The following ACAN variants were observed in gnomAD, a reference collection of about 807,000 sequenced individuals.
The protein encoded by ACAN is aggrecan core protein.
In ACAN, 47 loss-of-function variants were observed where a neutral mutation model predicts 169.1. The ratio of observed to expected loss-of-function variants is 0.28; its 90% CI spans 0.22 to 0.35. ACAN has a LOEUF of 0.35. ACAN is among the 10% of genes least tolerant of loss of function. The pLI is 1.00. For synonymous variants in ACAN, 1,115 were observed against 1,112.2 expected, an observed-to-expected ratio of 1.00 and a Z score of -0.05; for missense variants, 2,716 against 2,759.9, an observed-to-expected ratio of 0.98 and a Z score of 0.36.
At position 88,869,424 on chromosome 15, in the gene ACAN, CTT is replaced by C. The variant is rs915762345; in HGVS notation, c.7060+1098_7060+1099del. 2.0e-5 allele frequency among the ~76,000 whole-genome samples: 3 copies of C among 152,082 alleles called. No homozygotes were observed. The highest frequency in any genetic ancestry group is 7.2e-5 in the African/African-American group (3 of 41,408). ...TACAGACTGGTAGAGGAACTTAAGA[CTT>C]TTGGGAAAAAAAAGGCCTGGACACT... On this transcript the variant is annotated intron_variant, in intron 14 of 18. Coordinates refer to ENST00000560601, the MANE Select transcript of ACAN (RefSeq NM_001369268.1). The surrounding 1 kb of genome is among the most constrained non-coding windows in gnomAD (Gnocchi z 4.2).
chr15:88,817,534 A>T (rs965301147), intron 1 of ACAN, among the ~76,000 whole-genome samples: 3 of 145,244 alleles, frequency 2.1e-5, no homozygotes, highest in African/African-American at 5.1e-5. Flanking sequence ...TAGAAAATTT[A>T]GGAAATATAA....
rs113485175 is a variant in ACAN at position 88,807,039 on chromosome 15, A to ATTT, written c.-8+3238_-8+3240dup. On this transcript the variant is annotated intron_variant, in intron 1 of 18. Coordinates refer to ENST00000560601, the MANE Select transcript of ACAN (RefSeq NM_001369268.1). This position sits in a 1 kb window ranked among gnomAD's most constrained non-coding sequence, Gnocchi z 4.0. Reference sequence around the variant, plus strand: ...TGATATTTGCATATATTTTTATTTAATTTTTTTTTTACTATATTGGTCCCA... The same window carrying ATTT: ...TGATATTTGCATATATTTTTATTTAATTTTTTTTTTTTTACTATATTGGTCCCA... Among the ~76,000 whole-genome samples the ATTT allele has an allele frequency of 1.1e-4, 16 of 150,390 alleles. No homozygotes were observed. The highest frequency in any genetic ancestry group is 3.7e-4 in the African/African-American group (15 of 40,914).
At chr15:88,845,295 T>C (rs1210007052) in intron 6 of ACAN, among the ~76,000 whole-genome samples, 1 of 152,208 alleles carries the variant, frequency 6.6e-6, no homozygotes, top group East Asian at 1.9e-4. Context: ...TCTTGCACTC[T>C]TGCAATCTTG....
intron 1 of ACAN, 139 bp from the exon 2 acceptor site, chr15:88,836,061 C>A: frequency 1.6e-6 from 1 of 621,584 alleles, no homozygotes; most frequent in Non-Finnish European, 2.9e-6. Context: ...TCTCACAAAC[C>A]ACGTGCAGCC....
Position 88,874,033 on chromosome 15 carries a change from C to G in ACAN, c.7630+9C>G. On this transcript the variant is annotated intron_variant, in intron 18 of 18. Coordinates refer to ENST00000560601, the MANE Select transcript of ACAN (RefSeq NM_001369268.1). This position sits in a 1 kb window ranked among gnomAD's most constrained non-coding sequence, Gnocchi z 7.3. ...GATCACCTGCACAGACCGTGAGCAT[C>G]ACCCCGGCCATCTCGCTGAGCACAG... The G allele has an allele frequency of 6.2e-7, 1 of 1,608,562 alleles. No individual in the cohort carries two copies.
chr15:88,808,232 C>T (rs944195571), intron 1 of ACAN, among the ~76,000 whole-genome samples: 3 of 152,168 alleles, frequency 2.0e-5, no homozygotes, highest in Non-Finnish European at 4.4e-5. Context: ...TTTAAGAGAT[C>T]GCAAAAGGGA....
Position 88,857,026 on chromosome 15 carries a change from G to A in ACAN, c.4441G>A (p.Val1481Ile), listed in dbSNP as rs1454267021. 6.2e-7 allele frequency: 1 copy of A among 1,613,564 alleles called. No homozygotes were observed. The highest frequency in any genetic ancestry group is 1.1e-5 in the South Asian group (1 of 91,070). ...TGGAGGAGAAGTTCTAGAGATTTCT[G>A]TCTCTGGAGTAGAGGACATCAGTGG... Reference protein sequence around the residue: ...PSGGEVLEISVSGVEDISGLP... With the variant: ...PSGGEVLEISISGVEDISGLP... The change falls in exon 12 of 19, where the codon GTC becomes ATC. Residue 1481 changes from valine (V) to isoleucine (I), a missense_variant. Val to Ile is a conservative substitution (Grantham distance 29). This residue lies in a region of ACAN where 1,389 missense variants were observed against 1,363.7 expected (regional missense o/e 1.02). Transcript: ENST00000560601.
intron 11 of ACAN, among the ~76,000 whole-genome samples, chr15:88,853,573 G>T (rs891502421): frequency 6.6e-6 from 1 of 152,160 alleles, no homozygotes; most frequent in African/African-American, 2.4e-5. Context: ...AGGACGTGGA[G>T]GTTGCAGTCA....
Position 88,847,256 on chromosome 15 carries a change from C to T in ACAN, c.1443C>T (p.His481=). Reference sequence around the variant, plus strand: ...CTCCCCACCCAGGGGTCGTCTTCCACTACCGCCCGGGACCCACCCGCTACT... The same window carrying T: ...CTCCCCACCCAGGGGTCGTCTTCCATTACCGCCCGGGACCCACCCGCTACT... ...QPHLPGGVVF[H]YRPGPTRYSL... Residue 481 remains histidine, a synonymous_variant, in exon 8 of 19, where the codon CAC becomes CAT. Transcript: ENST00000560601. 6.4e-7 allele frequency: 1 copy of T among 1,552,102 alleles called. No homozygotes were observed. Among genetic ancestry groups the T allele is most frequent in the Non-Finnish European group, 8.7e-7 (1 of 1,147,924 alleles).
At chr15:88,818,261 T>C (rs1374080747) in intron 1 of ACAN, among the ~76,000 whole-genome samples, 1 of 152,222 alleles carries the variant, frequency 6.6e-6, no homozygotes, top group African/African-American at 2.4e-5. Context: ...CCTAGTTCTT[T>C]GCCCCAGCAC....
intron 1 of ACAN, among the ~76,000 whole-genome samples, chr15:88,816,198 T>C (rs1422388949): frequency 6.6e-6 from 1 of 152,228 alleles, no homozygotes; most frequent in Non-Finnish European, 1.5e-5. Flanking sequence ...TGCAAAGACC[T>C]TGTTTCCAAA....
rs1393983910 is a variant in ACAN at position 88,858,813 on chromosome 15, T to C, written c.6228T>C (p.Ala2076=). The part of the protein sequence containing the change: ...LFESSGKVST[A]GDISGATPVL... ...AGTCCAGTGGAAAAGTCTCCACAGC[T>C]GGGGACATTAGTGGAGCTACCCCAG... Residue 2076 remains alanine (A), a synonymous_variant, in exon 12 of 19, where the codon GCT becomes GCC. Coordinates refer to ENST00000560601, the MANE Select transcript of ACAN (RefSeq NM_001369268.1). The surrounding 1 kb of genome is among the most constrained non-coding windows in gnomAD (Gnocchi z 4.0). The C allele has an allele frequency of 6.2e-7, 1 of 1,613,838 alleles. No homozygotes were observed. Among genetic ancestry groups the C allele is most frequent in the East Asian group, 2.2e-5 (1 of 44,872 alleles).
chr15:88,843,590 T>G lies in ACAN; in HGVS notation c.993T>G (p.His331Gln). 3.1e-6 allele frequency: 5 copies of G among 1,605,618 alleles called. No individual in the cohort carries two copies. Among genetic ancestry groups the G allele is most frequent in the Non-Finnish European group, 4.3e-6 (5 of 1,173,928 alleles). ...NLLGVRTVYVHANQTGYPDPS... is the reference protein window; with the variant it reads ...NLLGVRTVYVQANQTGYPDPS... Reference sequence around the variant, plus strand: ...TGGGCGTGAGGACCGTCTACGTGCATGCCAACCAGACGGGCTACCCCGACC... The same window carrying G: ...TGGGCGTGAGGACCGTCTACGTGCAGGCCAACCAGACGGGCTACCCCGACC... Residue 331 changes from histidine to glutamine, a missense_variant, in exon 6 of 19, where the codon CAT becomes CAG. Transcript: ENST00000560601. The surrounding 1 kb of genome is among the most constrained non-coding windows in gnomAD (Gnocchi z 4.0).
chr15:88,840,085 G>A lies in ACAN; in HGVS notation c.528G>A (p.Leu176=), dbSNP rs1160747240. 6.2e-7 allele frequency: 1 copy of A among 1,604,038 alleles called. No individual in the cohort carries two copies. Among genetic ancestry groups the A allele is most frequent in the Non-Finnish European group, 8.5e-7 (1 of 1,175,226 alleles). The change falls in exon 4 of 19, where the codon CTG becomes CTA. Residue 176 remains leucine, a synonymous_variant. Coordinates refer to ENST00000560601, the MANE Select transcript of ACAN (RefSeq NM_001369268.1). ...LDFDRAQRAC[L]QNSAIIATPE... ...TTGACAGGGCGCAGCGGGCCTGCCT[G>A]CAGAACAGTGCCATCATTGCCACGC...
At chr15:88,863,053 A>C (rs1431141419) in intron 13 of ACAN, among the ~76,000 whole-genome samples, 1 of 151,642 alleles carries the variant, frequency 6.6e-6, no homozygotes, top group African/African-American at 2.4e-5. Context: ...TCGGGGGGCC[A>C]TAGGGAGCAA....
At chr15:88,830,556 A>T (rs1475707588) in intron 1 of ACAN, among the ~76,000 whole-genome samples, 1 of 151,488 alleles carries the variant, frequency 6.6e-6, no homozygotes, top group African/African-American at 2.4e-5. Flanking sequence ...GTATGTGTAG[A>T]TAGGTTTAGA....
intron 1 of ACAN, among the ~76,000 whole-genome samples, chr15:88,826,109 A>G (rs370624343): frequency 6.6e-6 from 1 of 152,272 alleles, no homozygotes; most frequent in African/African-American, 2.4e-5. Context: ...TCATGGTAGG[A>G]TGGGACTTTA....
intron 1 of ACAN, among the ~76,000 whole-genome samples, chr15:88,824,624 A>T (rs1387451543): frequency 6.6e-6 from 1 of 152,216 alleles, no homozygotes; most frequent in Non-Finnish European, 1.5e-5. Flanking sequence ...CATGCCTATA[A>T]TCCCAGCATT....
chr15:88,815,595 G>A (rs1895918469), intron 1 of ACAN, among the ~76,000 whole-genome samples: 1 of 109,344 alleles, frequency 9.1e-6, no homozygotes, highest in Non-Finnish European at 1.8e-5. Flanking sequence ...AGAAGAGAAA[G>A]GTCTTAAAAA....
Sources: allele counts gnomAD v4.1 joint callset (sites outside exome capture counted in the v4.1 genomes callset), GRCh38; gene constraint gnomAD v4.1.1; regional missense constraint gnomAD v4.1.1; non-coding constraint Gnocchi (gnomAD v3.1); transcripts MANE v1.5; gene names NCBI Gene and HGNC (gene_info 2026-07-23, HGNC 2026-07-21).